The following LCLAT1 variants were observed in gnomAD, a reference collection of about 807,000 sequenced individuals.
LCLAT1 encodes the protein 1-AGP acyltransferase 8.
In LCLAT1, 11 loss-of-function variants were observed where a neutral mutation model predicts 30.7. The ratio of observed to expected loss-of-function variants is 0.36; its 90% confidence interval spans 0.23 to 0.59. The LOEUF (loss-of-function observed/expected upper bound fraction) is 0.59. Among genes scored for constraint, LCLAT1 ranks in the 20% least tolerant of loss-of-function variants. The probability of loss-of-function intolerance (pLI) is 0.77; values close to 1 mark genes in which losing one functional copy is unlikely to be tolerated. For synonymous variants in LCLAT1, 155 were observed against 151.3 expected (o/e 1.02, Z -0.18); for missense variants, 402 against 458.6 (o/e 0.88, Z 1.13).
intron 5 of LCLAT1, among the ~76,000 whole-genome samples, chr2:30,568,814 T>A (rs1665635194): frequency 7.8e-6 from 1 of 128,686 alleles, no homozygotes; most frequent in African/African-American, 2.9e-5. Flanking sequence ...GCCAAAAATG[T>A]CTTAAGAGTA....
rs553021829 is a variant in LCLAT1, at chr2:30,487,090, G to A, written c.-4-38497G>A. ...ACATTTTTAAGAAACAAAAACAAAG[G>A]CAGAAAAAAAGATGGTATGCATTTA... On this transcript the variant is annotated intron_variant, in intron 1 of 5. Transcript: ENST00000379509. 2.0e-5 allele frequency among the ~76,000 whole-genome samples: 3 copies of A among 152,176 alleles called. No individual in the cohort carries two copies. The South Asian group carries it at 6.2e-4, about 32-fold the overall frequency.
chr2:30,619,577 T>G (rs1445900782), intron 5 of LCLAT1, among the ~76,000 whole-genome samples: 1 of 152,230 alleles, frequency 6.6e-6, no homozygotes, highest in Non-Finnish European at 1.5e-5. Context: ...GTTTTCCTTG[T>G]GAATAAAGGA....
intron 1 of LCLAT1, among the ~76,000 whole-genome samples, chr2:30,478,042 C>T (rs1683134083): frequency 8.4e-6 from 1 of 118,524 alleles, no homozygotes; most frequent in Non-Finnish European, 1.7e-5. Flanking sequence ...GATTTGGGAA[C>T]GTAAAGTCAA....
intron 5 of LCLAT1, among the ~76,000 whole-genome samples, chr2:30,633,308 G>T (rs991003666): frequency 6.6e-6 from 1 of 152,192 alleles, no homozygotes; most frequent in Non-Finnish European, 1.5e-5. Context: ...AATCCATGCA[G>T]TTAGATTCAT....
chr2:30,583,949 G>A (rs1666314001), intron 5 of LCLAT1, among the ~76,000 whole-genome samples: 1 of 151,680 alleles, frequency 6.6e-6, no homozygotes, highest in South Asian at 2.1e-4. Flanking sequence ...AGAACGTGCA[G>A]GTTTGTTACT....
chr2:30,477,241 T>G (rs1161720415), intron 1 of LCLAT1, among the ~76,000 whole-genome samples: 1 of 152,214 alleles, frequency 6.6e-6, no homozygotes, highest in African/African-American at 2.4e-5. Flanking sequence ...TCACCTAGAC[T>G]AAATAGAAAT....
intron 5 of LCLAT1, among the ~76,000 whole-genome samples, chr2:30,604,302 TAGAGAAA>T (rs1667326661): frequency 6.6e-6 from 1 of 151,874 alleles, no homozygotes; most frequent in Non-Finnish European, 1.5e-5. Flanking sequence ...CTTCTTAGCT[TAGAGAAA>T]AGACGACTAA....
intron 5 of LCLAT1, among the ~76,000 whole-genome samples, chr2:30,630,374 A>G (rs1668712538): frequency 6.6e-6 from 1 of 152,210 alleles, no homozygotes; most frequent in Non-Finnish European, 1.5e-5. Context: ...TAGGTGTTTT[A>G]TGTGAATAAG....
At chr2:30,605,476 T>G (rs1466686575) in intron 5 of LCLAT1, among the ~76,000 whole-genome samples, 1 of 152,216 alleles carries the variant, frequency 6.6e-6, no homozygotes, top group East Asian at 1.9e-4. Context: ...TTACATATTG[T>G]TTTTAGTTTA....
In LCLAT1 at chr2:30,560,288, GTGTGTGT is replaced by G. The variant is rs1279096995; in HGVS notation, c.365-1857_365-1851del. 5.5e-5 allele frequency among the ~76,000 whole-genome samples: 5 copies of G among 90,158 alleles called. No homozygotes were observed. The East Asian group carries it at 1.3e-3, about 23-fold the overall frequency. 59.1% of individuals were successfully genotyped at this position (90,158 alleles called of 152,430 possible). On this transcript the variant is annotated intron_variant, in intron 3 of 5. Coordinates refer to ENST00000379509, the MANE Select transcript of LCLAT1 (RefSeq NM_001002257.3). The stretch of plus-strand genomic sequence containing the variant: ...ACCCAGGCCAAATAAAGTGTGGTGT[GTGTGTGT>G]GTGTGTGTGTGTGTGTGTGTGTGTG...
At chr2:30,546,404 A>C (rs1328799333) in intron 3 of LCLAT1, among the ~76,000 whole-genome samples, 1 of 152,204 alleles carries the variant, frequency 6.6e-6, no homozygotes. Flanking sequence ...GATCATGAAT[A>C]AAAACAACTC....
chr2:30,480,805 G>A (rs948979291), intron 1 of LCLAT1, among the ~76,000 whole-genome samples: 1 of 152,048 alleles, frequency 6.6e-6, no homozygotes, highest in African/African-American at 2.4e-5. Flanking sequence ...TTTTTGCTGA[G>A]GATATAATAG....
At chr2:30,505,692 G>C (rs369833205) in intron 1 of LCLAT1, among the ~76,000 whole-genome samples, 1 of 152,060 alleles carries the variant, frequency 6.6e-6, no homozygotes, top group East Asian at 1.9e-4. Context: ...TCCTATACCT[G>C]CTCCACACCT....
chr2:30,557,981 A>T (rs1665009116), intron 3 of LCLAT1, among the ~76,000 whole-genome samples: 1 of 152,212 alleles, frequency 6.6e-6, no homozygotes, highest in Admixed American at 6.5e-5. Context: ...GCTTCACATA[A>T]TCCATAAAAA....
In LCLAT1 at chr2:30,557,283, CGTGTGTGTGT is replaced by C. The variant is rs373793652; in HGVS notation, c.365-4828_365-4819del. 6.2e-3 allele frequency among the ~76,000 whole-genome samples: 866 copies of C among 138,632 alleles called. 2 individuals carry two copies. Among genetic ancestry groups the C allele is most frequent in the Non-Finnish European group, 8.1e-3 (518 of 64,234 alleles). The allele number at this position is 138,632 out of a possible 152,430, so 90.9% of individuals were successfully genotyped here. A position where few individuals can be genotyped will look rare whatever the true frequency, so the allele number is the denominator to read the frequency against. On this transcript the variant is annotated intron_variant, in intron 3 of 5. Coordinates refer to ENST00000379509, the MANE Select transcript of LCLAT1 (RefSeq NM_001002257.3). Reference sequence around the variant, plus strand: ...TGTAGGACAGTGTAGAAGGTATGATCGTGTGTGTGTGTGTGTGTGTGTGTGTGTGTGTGTG... The same window carrying C: ...TGTAGGACAGTGTAGAAGGTATGATCGTGTGTGTGTGTGTGTGTGTGTGTG...
At position 30,469,661 on chromosome 2, in the gene LCLAT1, C is replaced by G. The variant is rs540517863; in HGVS notation, c.-5+22278C>G. 1.6e-4 allele frequency among the ~76,000 whole-genome samples: 24 copies of G among 150,646 alleles called. 1 individual carries two copies. Among genetic ancestry groups the G allele is most frequent in the Admixed American group, 1.1e-3 (17 of 15,122 alleles). ...TGGTGTGATCTGGACTCACTACAAC[C>G]TCCGCCTCTGGGGTTCAAGCGATTC... is the stretch of plus-strand genomic sequence containing the variant. On this transcript the variant is annotated intron_variant, in intron 1 of 5. Transcript: ENST00000379509.
intron 5 of LCLAT1, among the ~76,000 whole-genome samples, chr2:30,610,585 A>G (rs2148504139): frequency 6.6e-6 from 1 of 152,274 alleles, no homozygotes; most frequent in East Asian, 1.9e-4. Context: ...GAATAGTTAT[A>G]TAAGCCTAGG....
At chr2:30,468,717 C>T (rs1682608636) in intron 1 of LCLAT1, among the ~76,000 whole-genome samples, 1 of 152,178 alleles carries the variant, frequency 6.6e-6, no homozygotes, top group African/African-American at 2.4e-5. Context: ...TGGCAACCAC[C>T]AGTCTGCTTT....
intron 5 of LCLAT1, among the ~76,000 whole-genome samples, chr2:30,582,506 G>A (rs1666249507): frequency 6.6e-6 from 1 of 152,168 alleles, no homozygotes; most frequent in Admixed American, 6.5e-5. Flanking sequence ...TCTCCTAGCT[G>A]TAAGGAGCTT....
Sources: gnomAD v4.1 joint callset for allele counts (sites outside exome capture counted in the v4.1 genomes callset) on GRCh38, gnomAD v4.1.1 for gene constraint, MANE v1.5 for transcripts, NCBI Gene and HGNC (gene_info 2026-07-23, HGNC 2026-07-21) for gene names.